Variants in SLC13A3 observed in about 807,000 individuals in gnomAD.
SLC13A3 encodes the protein solute carrier family 13 member 3, also known as Na(+)/dicarboxylate cotransporter 3.
In SLC13A3, 40 loss-of-function variants were observed where a neutral mutation model predicts 59.0. The observed-to-expected ratio is 0.68, with a 90% CI of 0.53 to 0.88. The LOEUF is 0.88. SLC13A3 is among the 40% of genes least tolerant of loss of function. The pLI is 0.00. For synonymous variants in SLC13A3, 317 were observed against 330.3 expected, an observed-to-expected ratio of 0.96 and a Z score of 0.44; for missense variants, 699 against 783.2, an observed-to-expected ratio of 0.89 and a Z score of 1.28.
upstream of SLC13A3, among the ~76,000 whole-genome samples, chr20:46,674,488 C>T (rs116161018): frequency 7.9e-5 from 12 of 152,240 alleles, no homozygotes; most frequent in African/African-American, 2.4e-4. Flanking sequence ...GGCCTTTGAT[C>T]GGCAGCAGAC....
chr20:46,674,589 G>GCA (rs1491317181), upstream of SLC13A3, among the ~76,000 whole-genome samples: 17 of 118,546 alleles, frequency 1.4e-4, no homozygotes, highest in African/African-American at 5.0e-4. Flanking sequence ...GGTGGGGAGT[G>GCA]CGCGCGCGCG....
intron 9 of SLC13A3, 103 bp downstream of exon 9, chr20:46,583,469 G>A (rs893875172): frequency 3.3e-6 from 5 of 1,517,902 alleles, no homozygotes; most frequent in Non-Finnish European, 4.4e-6. Context: ...AAGCAGGAAG[G>A]ACCACGTGGT....
upstream of SLC13A3, among the ~76,000 whole-genome samples, chr20:46,672,934 C>T (rs1395228113): frequency 1.3e-5 from 2 of 152,060 alleles, no homozygotes; most frequent in Non-Finnish European, 2.9e-5. Flanking sequence ...CCACGGAGAA[C>T]AGAAGAATCA....
chr20:46,561,879 G>A (rs145316291), intron 12 of SLC13A3, among the ~76,000 whole-genome samples: 4 of 151,954 alleles, frequency 2.6e-5, no homozygotes, highest in African/African-American at 9.7e-5. Flanking sequence ...AATTCCTGCT[G>A]GTCCCATGTT....
chr20:46,598,892 C>T lies in SLC13A3; in HGVS notation c.608+1079G>A, dbSNP rs139657309. ...CACTGGCTTCCTGGCTGTTCTTTGACCTCTCAGGAGCTTTGCACGTGCTGG... is the reference window on the plus strand; with the variant it reads ...CACTGGCTTCCTGGCTGTTCTTTGATCTCTCAGGAGCTTTGCACGTGCTGG... On this transcript the variant is annotated intron_variant, in intron 4 of 12. Coordinates refer to ENST00000279027, the MANE Select transcript of SLC13A3 (RefSeq NM_022829.6). Among the ~76,000 whole-genome samples, 13 of 152,158 alleles carry T rather than the reference C, an allele frequency of 8.5e-5. No individual in the cohort carries two copies. The East Asian group carries it at 2.5e-3, about 29-fold the overall frequency.
intron 1 of SLC13A3, among the ~76,000 whole-genome samples, chr20:46,658,705 AATATTC>A (rs1446766907): frequency 6.6e-6 from 1 of 152,226 alleles, no homozygotes; most frequent in Non-Finnish European, 1.5e-5. Flanking sequence ...AGCGATAAAA[AATATTC>A]ATTGGATCAA....
chr20:46,600,096 C>T (rs1458269464), intron 3 of SLC13A3, 59 bp from the exon 4 acceptor site: 1 of 1,321,270 alleles, frequency 7.6e-7, no homozygotes, highest in Non-Finnish European at 1.0e-6. Flanking sequence ...AGGAGTGTCC[C>T]AAATCTTGTG....
intron 1 of SLC13A3, among the ~76,000 whole-genome samples, chr20:46,683,983 C>T (rs1411840923): frequency 2.0e-5 from 3 of 152,180 alleles, no homozygotes; most frequent in Admixed American, 6.5e-5. Flanking sequence ...TCAGGTATCA[C>T]CCTGTTAAAA....
chr20:46,648,729 AC>A (rs1417299527), intron 1 of SLC13A3, among the ~76,000 whole-genome samples: 1 of 152,086 alleles, frequency 6.6e-6, no homozygotes, highest in Non-Finnish European at 1.5e-5. Context: ...ACATAGTGAA[AC>A]CCCGTCTCTA....
chr20:46,627,592 A>C (rs981858348), intron 1 of SLC13A3, among the ~76,000 whole-genome samples: 1 of 151,532 alleles, frequency 6.6e-6, no homozygotes, highest in Non-Finnish European at 1.5e-5. Context: ...GTTTTAAAAG[A>C]TTTGCTCATT....
chr20:46,562,813 C>T (rs1760028280), intron 12 of SLC13A3, among the ~76,000 whole-genome samples: 1 of 152,168 alleles, frequency 6.6e-6, no homozygotes, highest in South Asian at 2.1e-4. Context: ...CCCATGTGTC[C>T]TGCAGGGGTC....
intron 1 of SLC13A3, among the ~76,000 whole-genome samples, chr20:46,621,966 T>C (rs763480808): frequency 6.6e-5 from 10 of 152,186 alleles, no homozygotes; most frequent in Non-Finnish European, 1.5e-4. Context: ...TTATGCTCCA[T>C]GGAAAATAGG....
chr20:46,582,788 C>G, intron 9 of SLC13A3: 1 of 985,394 alleles, frequency 1.0e-6, no homozygotes, highest in South Asian at 4.7e-5. Context: ...TATTTCCTGA[C>G]TCCGGAGGAG....
chr20:46,583,334 TG>T, intron 9 of SLC13A3: 1 of 1,134,742 alleles, frequency 8.8e-7, no homozygotes, highest in Middle Eastern at 3.4e-4. Context: ...GCTCACAGGC[TG>T]TTCAAAAACA....
At chr20:46,582,979 T>G in intron 9 of SLC13A3, 1 of 985,510 alleles carries the variant, frequency 1.0e-6, no homozygotes, top group South Asian at 4.7e-5. Context: ...CAGTTTTTCC[T>G]CAGTCCCCAA....
chr20:46,602,522 C>T (rs1034127822), intron 3 of SLC13A3, among the ~76,000 whole-genome samples: 28 of 152,050 alleles, frequency 1.8e-4, no homozygotes, highest in African/African-American at 6.8e-4. Flanking sequence ...TAGCCAAACA[C>T]ATCAGCCTTG....
intron 1 of SLC13A3, among the ~76,000 whole-genome samples, chr20:46,620,203 T>C (rs1600571351): frequency 6.6e-6 from 1 of 152,248 alleles, no homozygotes; most frequent in East Asian, 1.9e-4. Flanking sequence ...GTCTATTTGT[T>C]CATTAAACAA....
At chr20:46,664,433 CTTGGT>C (rs1331762504) in intron 1 of SLC13A3, among the ~76,000 whole-genome samples, 4 of 152,174 alleles carry the variant, frequency 2.6e-5, no homozygotes, top group African/African-American at 9.7e-5. Flanking sequence ...ACCTACCAGA[CTTGGT>C]TTTGCTCATT....
chr20:46,641,894 T>A (rs1378540199), intron 1 of SLC13A3, among the ~76,000 whole-genome samples: 1 of 152,118 alleles, frequency 6.6e-6, no homozygotes, highest in African/African-American at 2.4e-5. Flanking sequence ...TTGAGGGATC[T>A]CACATGAATC....
Sources: allele counts gnomAD v4.1 joint callset (sites outside exome capture counted in the v4.1 genomes callset), GRCh38; gene constraint gnomAD v4.1.1; transcripts MANE v1.5; gene names NCBI Gene and HGNC (gene_info 2026-07-23, HGNC 2026-07-21).